Variants in TMC1 observed in about 807,000 individuals in gnomAD.
The protein encoded by TMC1 is transmembrane channel like 1, also known as transmembrane channel-like protein 1.
A neutral mutation model predicts 105.8 loss-of-function variants in TMC1; 84 were observed. The ratio of observed to expected loss-of-function variants is 0.79; its 90% CI spans 0.67 to 0.95. The LOEUF is 0.95. Among genes scored for constraint, TMC1 ranks in the 40% least tolerant of loss-of-function variants. The probability of loss-of-function intolerance (pLI) is 0.00; values close to 1 mark genes in which losing one functional copy is unlikely to be tolerated. For synonymous variants in TMC1, 315 were observed against 311.5 expected, an observed-to-expected ratio of 1.01 and a Z score of -0.12; for missense variants, 817 against 914.1, an observed-to-expected ratio of 0.89 and a Z score of 1.37.
At chr9:72,624,373 AT>A (rs1162144792) in intron 3 of TMC1, among the ~76,000 whole-genome samples, 1 of 151,914 alleles carries the variant, frequency 6.6e-6, no homozygotes, top group Middle Eastern at 3.2e-3. Context: ...CTTTGTGTTT[AT>A]TTCCGTAGGG....
At chr9:72,717,660 C>T (rs1826943483) in intron 8 of TMC1, among the ~76,000 whole-genome samples, 1 of 152,198 alleles carries the variant, frequency 6.6e-6, no homozygotes, top group African/African-American at 2.4e-5. Context: ...GCTGAGAAAT[C>T]TGCTGTTACT....
intron 13 of TMC1, among the ~76,000 whole-genome samples, chr9:72,774,849 A>T (rs1047605396): frequency 6.6e-6 from 1 of 152,174 alleles, no homozygotes; most frequent in African/African-American, 2.4e-5. Flanking sequence ...TCCTACTCCT[A>T]TCCCAGTCAA....
chr9:72,788,933 C>G (rs1170850062), intron 14 of TMC1, among the ~76,000 whole-genome samples, 190 bp from the exon 15 acceptor site: 1 of 151,926 alleles, frequency 6.6e-6, no homozygotes, highest in Non-Finnish European at 1.5e-5. Context: ...AGAATTCTTC[C>G]TTCTGTCTTA....
chr9:72,523,833 A>G (rs961161613), intron 1 of TMC1, among the ~76,000 whole-genome samples: 1 of 150,094 alleles, frequency 6.7e-6, no homozygotes, highest in Admixed American at 6.7e-5. Flanking sequence ...AACAGAGAAT[A>G]AAAAAAAAAT....
chr9:72,689,163 C>A (rs911846045), intron 6 of TMC1, among the ~76,000 whole-genome samples: 1 of 152,054 alleles, frequency 6.6e-6, no homozygotes, highest in Non-Finnish European at 1.5e-5. Flanking sequence ...AGGGTATAAT[C>A]TAATGTTTAC....
At position 72,701,402 on chromosome 9, in the gene TMC1, ACTATATTTCCCT is replaced by A. The variant is rs1280275974; in HGVS notation, c.362+760_362+771del. On this transcript the variant is annotated intron_variant, in intron 8 of 23. Coordinates refer to ENST00000297784, the MANE Select transcript of TMC1 (RefSeq NM_138691.3). The stretch of plus-strand genomic sequence containing the variant: ...GGGAAGATTCACCCCTGAGGATCAC[ACTATATTTCCCT>A]GCCCTGGTGGTTGGGAGAGGAGGAA... Among the ~76,000 whole-genome samples, 6 of 152,136 alleles carry A rather than the reference ACTATATTTCCCT, an allele frequency of 3.9e-5. No homozygotes were observed. The East Asian group carries it at 1.2e-3, about 29-fold the overall frequency.
chr9:72,660,700 C>A (rs771427005), intron 5 of TMC1, among the ~76,000 whole-genome samples: 7 of 152,118 alleles, frequency 4.6e-5, no homozygotes, highest in Non-Finnish European at 8.8e-5. Flanking sequence ...AAAAATATCT[C>A]CTGAACTGTG....
intron 4 of TMC1, among the ~76,000 whole-genome samples, chr9:72,640,456 C>G (rs1355021685): frequency 6.6e-6 from 1 of 152,132 alleles, no homozygotes; most frequent in Non-Finnish European, 1.5e-5. Context: ...AGTAAGCTTT[C>G]CAAGTATGGG....
intron 20 of TMC1, among the ~76,000 whole-genome samples, chr9:72,823,909 T>A (rs10512013): frequency 0.062 from 9,457 of 152,370 alleles, 322 homozygotes; most frequent in African/African-American, 0.084. Flanking sequence ...GCCCATAATC[T>A]TGAAAACCTG....
At chr9:72,714,482 C>T (rs1166635584) in intron 8 of TMC1, among the ~76,000 whole-genome samples, 1 of 152,128 alleles carries the variant, frequency 6.6e-6, no homozygotes, top group Non-Finnish European at 1.5e-5. Context: ...GGATAGTTAG[C>T]TCTTCTTGTT....
At chr9:72,563,923 A>AAAAAAAAAT (rs1824101920) in intron 1 of TMC1, among the ~76,000 whole-genome samples, 1 of 149,038 alleles carries the variant, frequency 6.7e-6, no homozygotes, top group Non-Finnish European at 1.5e-5. Flanking sequence ...AAAAAAAAAA[A>AAAAAAAAAT]GTATAAATTG....
chr9:72,525,624 A>G (rs981323621), intron 1 of TMC1, among the ~76,000 whole-genome samples: 16 of 152,312 alleles, frequency 1.1e-4, no homozygotes, highest in African/African-American at 3.6e-4. Flanking sequence ...GGCTCAGTGG[A>G]TGGATCATCA....
At chr9:72,609,890 C>A in intron 2 of TMC1, among the ~76,000 whole-genome samples, 1 of 152,200 alleles carries the variant, frequency 6.6e-6, no homozygotes, top group Middle Eastern at 3.4e-3. Context: ...CATCAAGAAG[C>A]CTTCCCTAGC....
intron 1 of TMC1, among the ~76,000 whole-genome samples, chr9:72,555,740 C>T (rs1587954323): frequency 1.3e-5 from 2 of 151,930 alleles, no homozygotes; most frequent in Admixed American, 6.6e-5. Context: ...CCTGCCTCAG[C>T]CTCCCGAGTA....
intron 12 of TMC1, among the ~76,000 whole-genome samples, chr9:72,771,048 T>C (rs936951969): frequency 6.6e-6 from 1 of 152,182 alleles, no homozygotes; most frequent in African/African-American, 2.4e-5. Context: ...CCACTCAAGT[T>C]GGCACATACA....
At chr9:72,579,117 G>A (rs1824434669) in intron 2 of TMC1, among the ~76,000 whole-genome samples, 1 of 152,210 alleles carries the variant, frequency 6.6e-6, no homozygotes, top group African/African-American at 2.4e-5. Context: ...TCTATACAGT[G>A]AGGAGTTGTA....
chr9:72,835,934 T>TTTCTTTTTTG lies in TMC1; in HGVS notation c.2261-16_2261-15insTCTTTTTTGT. The TTTCTTTTTTG allele has an allele frequency of 6.4e-6, 10 of 1,565,860 alleles. No homozygotes were observed. Among genetic ancestry groups the TTTCTTTTTTG allele is most frequent in the East Asian group, 2.2e-5 (1 of 44,532 alleles). On this transcript the variant is annotated splice_polypyrimidine_tract_variant and intron_variant, in intron 23 of 23. Coordinates refer to ENST00000297784, the MANE Select transcript of TMC1 (RefSeq NM_138691.3). ...CTCCTTGTTTTTTTTTTTTTTTTTT[T>TTTCTTTTTTG]TCTGTTTTGTGAACAGCTGCAGCTG...
chr9:72,799,309 T>A (rs1828428886), intron 17 of TMC1, among the ~76,000 whole-genome samples: 1 of 152,074 alleles, frequency 6.6e-6, no homozygotes, highest in African/African-American at 2.4e-5. Context: ...ATTTGAACAA[T>A]TTTTTACTGC....
At position 72,821,052 on chromosome 9, in the gene TMC1, C is replaced by T; in HGVS notation, c.1974C>T (p.Leu658=). ...TMPVLYMIVS[L]PPSFDCGPFS... Reference sequence around the variant, plus strand: ...CTGTCTTGTACATGATCGTGTCCCTCCCACCATCTTTTGATTGTGGTCCAT... The same window carrying T: ...CTGTCTTGTACATGATCGTGTCCCTTCCACCATCTTTTGATTGTGGTCCAT... Residue 658 remains leucine (L), a synonymous_variant, in exon 20 of 24, where the codon CTC becomes CTT. Coordinates refer to ENST00000297784, the MANE Select transcript of TMC1 (RefSeq NM_138691.3). 1 of 1,614,158 alleles carries T rather than the reference C, an allele frequency of 6.2e-7. No homozygotes were observed. Among genetic ancestry groups the T allele is most frequent in the East Asian group, 2.2e-5 (1 of 44,872 alleles).
Sources: gnomAD v4.1 joint callset for allele counts (sites outside exome capture counted in the v4.1 genomes callset) on GRCh38, gnomAD v4.1.1 for gene constraint, MANE v1.5 for transcripts, NCBI Gene and HGNC (gene_info 2026-07-23, HGNC 2026-07-21) for gene names.